Variants in CDH8 observed in about 807,000 individuals in gnomAD.
The protein encoded by CDH8 is cadherin 8, also known as cadherin-8.
In CDH8, 17 loss-of-function variants were observed where a neutral mutation model predicts 68.1. That is an observed-to-expected ratio of 0.25 (90% CI 0.17 to 0.37). The LOEUF is 0.37. Among genes scored for constraint, CDH8 ranks in the 10% least tolerant of loss-of-function variants. The probability of loss-of-function intolerance (pLI) is 1.00; values close to 1 mark genes in which losing one functional copy is unlikely to be tolerated. For synonymous variants in CDH8, 372 were observed against 365.1 expected, an observed-to-expected ratio of 1.02 and a Z score of -0.21; for missense variants, 763 against 999.3, an observed-to-expected ratio of 0.76 and a Z score of 3.19.
intron 6 of CDH8, among the ~76,000 whole-genome samples, chr16:61,820,662 A>C (rs1962193508): frequency 6.6e-6 from 1 of 151,918 alleles, no homozygotes; most frequent in Non-Finnish European, 1.5e-5. Flanking sequence ...GAAGTCAGTA[A>C]ATTCCTGTGG....
chr16:61,975,503 A>G (rs1965419829), intron 2 of CDH8, among the ~76,000 whole-genome samples: 1 of 152,216 alleles, frequency 6.6e-6, no homozygotes, highest in African/African-American at 2.4e-5. Context: ...ACTGCCATGT[A>G]GTATGTAACT....
intron 2 of CDH8, among the ~76,000 whole-genome samples, chr16:61,943,087 A>G (rs113017419): frequency 5.3e-5 from 8 of 152,286 alleles, no homozygotes; most frequent in African/African-American, 1.9e-4. Flanking sequence ...AACCAAAACA[A>G]AAAAAGAAAA....
intron 10 of CDH8, among the ~76,000 whole-genome samples, chr16:61,670,525 TTTTTAAAAA>T (rs1392029297): frequency 7.9e-5 from 12 of 152,026 alleles, no homozygotes; most frequent in African/African-American, 2.2e-4. Context: ...ATTACACTAA[TTTTTAAAAA>T]TTTTAAAAAT....
At chr16:61,783,891 G>C (rs1596964902) in intron 8 of CDH8, among the ~76,000 whole-genome samples, 1 of 152,174 alleles carries the variant, frequency 6.6e-6, no homozygotes, top group African/African-American at 2.4e-5. Context: ...AATGCTGACA[G>C]ATTTTGTCAC....
chr16:61,879,528 C>A (rs1822385929), intron 3 of CDH8, among the ~76,000 whole-genome samples: 1 of 152,210 alleles, frequency 6.6e-6, no homozygotes, highest in South Asian at 2.1e-4. Context: ...ACACTGGGTT[C>A]CATGAATGCT....
chr16:61,724,754 T>C (rs1417300141), intron 9 of CDH8, among the ~76,000 whole-genome samples: 1 of 150,950 alleles, frequency 6.6e-6, no homozygotes, highest in Non-Finnish European at 1.5e-5. Context: ...CTAAGGAATA[T>C]TCTAGTTCCA....
intron 3 of CDH8, among the ~76,000 whole-genome samples, chr16:61,892,770 G>T (rs374672894): frequency 3.3e-5 from 5 of 152,060 alleles, no homozygotes; most frequent in Admixed American, 6.6e-5. Flanking sequence ...AAATACTTGT[G>T]GGGGGAGTAA....
chr16:61,931,045 C>T (rs1567533303), intron 2 of CDH8, among the ~76,000 whole-genome samples: 1 of 152,294 alleles, frequency 6.6e-6, no homozygotes, highest in East Asian at 1.9e-4. Context: ...AAAGACAGTA[C>T]TTACTGCAGC....
At chr16:61,695,818 G>C (rs746076123) in intron 10 of CDH8, among the ~76,000 whole-genome samples, 4 of 152,144 alleles carry the variant, frequency 2.6e-5, no homozygotes, top group Non-Finnish European at 4.4e-5. Flanking sequence ...ACAGTTTTTA[G>C]AGTTTTTTTA....
At position 61,679,053 on chromosome 16, in the gene CDH8, A is replaced by G. The variant is rs116808875; in HGVS notation, c.1655-23332T>C. On this transcript the variant is annotated intron_variant, in intron 10 of 11. Transcript: ENST00000577390. ...GTACCCTTAGCCCCTTCTAAGTTAG[A>G]ATTGTGTGGTTATCTTATTTGCTTT... is the stretch of plus-strand genomic sequence containing the variant. 9.5e-3 allele frequency among the ~76,000 whole-genome samples: 1,447 copies of G among 152,130 alleles called. 28 individuals are homozygous for G. Among genetic ancestry groups the G allele is most frequent in the African/African-American group, 0.033 (1,376 of 41,516 alleles).
intron 5 of CDH8, among the ~76,000 whole-genome samples, chr16:61,824,220 AAATAAT>A (rs528032579): frequency 4.0e-5 from 6 of 151,580 alleles, no homozygotes; most frequent in African/African-American, 1.5e-4. Context: ...GGCATCTTAA[AAATAAT>A]AATAATAATA....
In CDH8 at chr16:61,652,921, T is replaced by G. The variant is rs766564531; in HGVS notation, c.*687A>C. ...CTTCTAGAAAACAAGCATGTTTGAA[T>G]GGGATTTCTCTCCTCCCACCACTGA... On this transcript the variant is annotated 3_prime_UTR_variant, in exon 12 of 12. Transcript: ENST00000577390. 1.2e-5 allele frequency: 18 copies of G among 1,527,204 alleles called. No homozygotes were observed. The highest frequency in any genetic ancestry group is 1.5e-5 in the Non-Finnish European group (17 of 1,142,838). 94.6% of individuals were successfully genotyped at this position (1,527,204 alleles called of 1,614,324 possible). A position where few individuals can be genotyped will look rare whatever the true frequency, so the allele number is the denominator to read the frequency against.
At chr16:61,717,968 T>TA (rs933407865) in intron 9 of CDH8, among the ~76,000 whole-genome samples, 27 of 151,548 alleles carry the variant, frequency 1.8e-4, no homozygotes, top group African/African-American at 6.3e-4. Flanking sequence ...ATATATTACA[T>TA]ATGTATATAT....
chr16:61,760,536 C>A (rs1162441074), intron 8 of CDH8, among the ~76,000 whole-genome samples: 2 of 151,922 alleles, frequency 1.3e-5, no homozygotes, highest in Admixed American at 1.3e-4. Context: ...TGGTCTCGAG[C>A]CCGTGACCTT....
chr16:61,728,892 A>G (rs915455286), intron 8 of CDH8, among the ~76,000 whole-genome samples: 3 of 151,166 alleles, frequency 2.0e-5, no homozygotes, highest in African/African-American at 4.8e-5. Context: ...TGAAACTCAG[A>G]AATTTAACAC....
At chr16:61,669,446 G>C (rs1486249262) in intron 10 of CDH8, among the ~76,000 whole-genome samples, 4 of 152,018 alleles carry the variant, frequency 2.6e-5, no homozygotes, top group Non-Finnish European at 5.9e-5. Flanking sequence ...TGCCTTTTTA[G>C]TACGTGCATC....
At chr16:61,903,366 C>G (rs1964010215) in intron 2 of CDH8, among the ~76,000 whole-genome samples, 2 of 152,200 alleles carry the variant, frequency 1.3e-5, no homozygotes, top group Non-Finnish European at 2.9e-5. Flanking sequence ...CTCTGTCGCC[C>G]AGGCTGGAGT....
chr16:61,702,500 T>G (rs1964452338), intron 10 of CDH8, among the ~76,000 whole-genome samples: 1 of 152,224 alleles, frequency 6.6e-6, no homozygotes, highest in Non-Finnish European at 1.5e-5. Context: ...AAAATAATGA[T>G]TGATATATAG....
intron 3 of CDH8, among the ~76,000 whole-genome samples, chr16:61,900,717 A>T (rs1963954914): frequency 6.6e-6 from 1 of 152,202 alleles, no homozygotes; most frequent in African/African-American, 2.4e-5. Flanking sequence ...TCCACCCTAG[A>T]CATGAACCAC....
Sources: allele counts gnomAD v4.1 joint callset (sites outside exome capture counted in the v4.1 genomes callset), GRCh38; gene constraint gnomAD v4.1.1; transcripts MANE v1.5; gene names NCBI Gene and HGNC (gene_info 2026-07-23, HGNC 2026-07-21).